DNAJC1: variants seen among roughly 807,000 people sequenced by gnomAD.
DNAJC1 encodes DnaJ heat shock protein family (Hsp40) member C1, also known as dnaJ homolog subfamily C member 1.
A neutral mutation model predicts 76.6 loss-of-function variants in DNAJC1; 58 were observed. That is an observed-to-expected ratio of 0.76 (90% CI 0.61 to 0.94). The LOEUF (loss-of-function observed/expected upper bound fraction) is 0.94. Ranked by LOEUF, DNAJC1 falls within the 40% of genes least tolerant of loss-of-function variation. The pLI is 0.00. For synonymous variants in DNAJC1, 258 were observed against 267.9 expected (o/e 0.96, Z 0.36); for missense variants, 689 against 677.3 (o/e 1.02, Z -0.19).
At chr10:21,925,363 G>A (rs1290544817) in intron 3 of DNAJC1, among the ~76,000 whole-genome samples, 1 of 152,096 alleles carries the variant, frequency 6.6e-6, no homozygotes, top group Non-Finnish European at 1.5e-5. Context: ...TGCAGTACAT[G>A]ACTGTATTTT....
chr10:21,908,779 C>T (rs955809706), intron 6 of DNAJC1, among the ~76,000 whole-genome samples: 2 of 152,026 alleles, frequency 1.3e-5, no homozygotes, highest in African/African-American at 4.8e-5. Flanking sequence ...TTACATTTTT[C>T]CAAACAGAAA....
intron 1 of DNAJC1, among the ~76,000 whole-genome samples, chr10:21,950,813 C>A (rs897233484): frequency 6.6e-6 from 1 of 152,112 alleles, no homozygotes; most frequent in Non-Finnish European, 1.5e-5. Context: ...TTCCCTTGAG[C>A]CAGAGCCTAA....
intron 9 of DNAJC1, among the ~76,000 whole-genome samples, chr10:21,779,603 AT>A (rs1337357431): frequency 6.6e-6 from 1 of 152,200 alleles, no homozygotes; most frequent in Admixed American, 6.5e-5. Context: ...GTACGTCACC[AT>A]CATCAAAGAC....
At position 21,929,149 on chromosome 10, in the gene DNAJC1, T is replaced by C; in HGVS notation, c.223-8A>G. 6.3e-7 allele frequency: 1 copy of C among 1,591,976 alleles called. No homozygotes were observed. The highest frequency in any genetic ancestry group is 8.6e-7 in the Non-Finnish European group (1 of 1,165,420). On this transcript the variant is annotated splice_region_variant and splice_polypyrimidine_tract_variant and intron_variant, in intron 1 of 11. Coordinates refer to ENST00000376980, the MANE Select transcript of DNAJC1 (RefSeq NM_022365.4). ...GTCTGCAGATGATGCATCCTGGAGG[T>C]GGTAGGGGGAGGGGAAAATACAAAG...
chr10:21,989,703 C>T lies in DNAJC1; in HGVS notation c.222+13510G>A, dbSNP rs1838300052. 5.3e-5 allele frequency among the ~76,000 whole-genome samples: 8 copies of T among 152,162 alleles called. No homozygotes were observed. In the South Asian group the frequency reaches 1.7e-3, roughly 32 times the overall value. On this transcript the variant is annotated intron_variant, in intron 1 of 11. Transcript: ENST00000376980. ...TGTTAAGAGGCAATGGTTTTAGCCC[C>T]ACAGTCCAGACCAGGCCAAGGGACC...
At chr10:21,831,440 C>T (rs924904025) in intron 8 of DNAJC1, among the ~76,000 whole-genome samples, 2 of 152,180 alleles carry the variant, frequency 1.3e-5, no homozygotes, top group Admixed American at 6.5e-5. Flanking sequence ...ACTAGATTTA[C>T]TTTTCATTCT....
At position 21,972,974 on chromosome 10, in the gene DNAJC1, T is replaced by C. The variant is rs61489549; in HGVS notation, c.222+30239A>G. On this transcript the variant is annotated intron_variant, in intron 1 of 11. Transcript: ENST00000376980. ...ACCATTTTTCAAATCAGCTTCCAGC[T>C]TTGTTTACAACTTTATAAATCACAT... 2.1e-3 allele frequency among the ~76,000 whole-genome samples: 319 copies of C among 152,260 alleles called. 1 individual carries two copies. The highest frequency in any genetic ancestry group is 7.2e-3 in the African/African-American group (300 of 41,580).
At chr10:21,964,018 C>T (rs1245395914) in intron 1 of DNAJC1, among the ~76,000 whole-genome samples, 1 of 152,100 alleles carries the variant, frequency 6.6e-6, no homozygotes, top group Non-Finnish European at 1.5e-5. Context: ...GTCATATGCT[C>T]TATTTAGTGG....
intron 8 of DNAJC1, among the ~76,000 whole-genome samples, chr10:21,856,325 C>T (rs1835831990): frequency 6.6e-6 from 1 of 152,008 alleles, no homozygotes; most frequent in Non-Finnish European, 1.5e-5. Flanking sequence ...GTAATAATGA[C>T]TCAAAATTCA....
chr10:21,962,624 C>T (rs1035051994), intron 1 of DNAJC1, among the ~76,000 whole-genome samples: 4 of 149,900 alleles, frequency 2.7e-5, no homozygotes, highest in East Asian at 1.9e-4. Context: ...CATGCCACCA[C>T]GCTCAGCTAA....
intron 1 of DNAJC1, among the ~76,000 whole-genome samples, chr10:21,937,781 T>C (rs928298330): frequency 2.0e-5 from 3 of 151,424 alleles, no homozygotes; most frequent in Non-Finnish European, 4.4e-5. Context: ...CCAACCATAA[T>C]GAAATGAAAT....
At chr10:21,942,720 G>A (rs1837436295) in intron 1 of DNAJC1, among the ~76,000 whole-genome samples, 4 of 151,144 alleles carry the variant, frequency 2.6e-5, no homozygotes, top group Admixed American at 6.6e-5. Flanking sequence ...GCAGGAGAAT[G>A]GCATGAACCT....
intron 10 of DNAJC1, among the ~76,000 whole-genome samples, chr10:21,762,550 A>C (rs1834254098): frequency 6.6e-6 from 1 of 152,234 alleles, no homozygotes; most frequent in Non-Finnish European, 1.5e-5. Context: ...CAAATTATGA[A>C]AACATTTTCA....
At chr10:21,840,162 A>G (rs1835549948) in intron 8 of DNAJC1, among the ~76,000 whole-genome samples, 1 of 152,170 alleles carries the variant, frequency 6.6e-6, no homozygotes, top group South Asian at 2.1e-4. Flanking sequence ...ATGGGCAAAA[A>G]CTGGAAGCAT....
At chr10:21,960,654 C>A (rs1224440858) in intron 1 of DNAJC1, among the ~76,000 whole-genome samples, 6 of 152,172 alleles carry the variant, frequency 3.9e-5, no homozygotes, top group African/African-American at 1.2e-4. Context: ...TGCACTGCTG[C>A]ACTCCAGCCC....
chr10:21,902,530 C>G (rs1291007249), intron 7 of DNAJC1, among the ~76,000 whole-genome samples: 2 of 152,138 alleles, frequency 1.3e-5, no homozygotes, highest in Non-Finnish European at 2.9e-5. Flanking sequence ...GTCTCGAACT[C>G]CTGACCTCTG....
At chr10:21,992,085 C>T (rs1334603188) in intron 1 of DNAJC1, among the ~76,000 whole-genome samples, 1 of 152,156 alleles carries the variant, frequency 6.6e-6, no homozygotes, top group African/African-American at 2.4e-5. Flanking sequence ...CCAAGGTTGG[C>T]GGATCGCCTG....
At chr10:21,823,344 A>G (rs78104090) in intron 8 of DNAJC1, among the ~76,000 whole-genome samples, 4,464 of 152,274 alleles carry the variant, frequency 0.029, 108 homozygotes, top group Middle Eastern at 0.065. Flanking sequence ...CAAAAGTATA[A>G]AAACCAGTCT....
At chr10:21,822,470 A>AT (rs1564797954) in intron 8 of DNAJC1, among the ~76,000 whole-genome samples, 12 of 149,032 alleles carry the variant, frequency 8.1e-5, no homozygotes, top group East Asian at 8.0e-4. Context: ...AATGAATAAT[A>AT]AAATAAATAA....
Sources: gnomAD v4.1 joint callset for allele counts (sites outside exome capture counted in the v4.1 genomes callset) on GRCh38, gnomAD v4.1.1 for gene constraint, MANE v1.5 for transcripts, NCBI Gene and HGNC (gene_info 2026-07-23, HGNC 2026-07-21) for gene names.